The following R3HDM1 variants were observed in gnomAD, a reference collection of about 807,000 sequenced individuals.
R3HDM1 encodes the protein R3H domain containing 1, also known as R3H domain-containing protein 1.
R3HDM1 carries 46 observed loss-of-function variants against 141.1 expected under a neutral mutation model. The observed-to-expected ratio is 0.33, with a 90% CI of 0.26 to 0.42. The LOEUF (loss-of-function observed/expected upper bound fraction) is 0.42, where lower values mean the gene tolerates loss of function less well. Ranked by LOEUF, R3HDM1 falls within the 10% of genes least tolerant of loss-of-function variation. R3HDM1 has a pLI of 1.00. For missense variants in R3HDM1, 1,184 were observed against 1,368.3 expected, an observed-to-expected ratio of 0.87 and a Z score of 2.12; for synonymous variants, 435 against 472.9, an observed-to-expected ratio of 0.92 and a Z score of 1.04.
intron 19 of R3HDM1, among the ~76,000 whole-genome samples, chr2:135,663,234 C>T (rs1050856254): frequency 3.3e-5 from 5 of 151,258 alleles, no homozygotes; most frequent in Non-Finnish European, 5.9e-5. Context: ...ATGTGTTTAT[C>T]ATTGGTCATA....
At chr2:135,630,430 A>C (rs1035000036) in intron 7 of R3HDM1, among the ~76,000 whole-genome samples, 1 of 152,056 alleles carries the variant, frequency 6.6e-6, no homozygotes, top group Non-Finnish European at 1.5e-5. Flanking sequence ...ATATTGCTAT[A>C]AATTTTGTTA....
In R3HDM1 at chr2:135,577,001, T is replaced by C. The variant is rs1705590531; in HGVS notation, c.-249-25499T>C. The C allele has an allele frequency of 4.7e-6, 3 of 640,546 alleles. No individual in the cohort carries two copies. In the African/African-American group the frequency reaches 6.0e-5, roughly 13 times the overall value. 39.7% of individuals were successfully genotyped at this position (640,546 alleles called of 1,614,324 possible). ...CACTGAATGAATTTAAATGGATGAA[T>C]GTATGCTATATAAATTATATCCAAT... On this transcript the variant is annotated intron_variant, in intron 1 of 26. Transcript: ENST00000683871.
chr2:135,698,394 C>T lies in R3HDM1; in HGVS notation c.2460-11039C>T, dbSNP rs184572191. Among the ~76,000 whole-genome samples, 15 of 152,032 alleles carry T rather than the reference C, an allele frequency of 9.9e-5. No homozygotes were observed. The East Asian group carries it at 2.3e-3, about 24-fold the overall frequency. On this transcript the variant is annotated intron_variant, in intron 21 of 26. Coordinates refer to ENST00000683871, the MANE Select transcript of R3HDM1 (RefSeq NM_001378107.1). ...CAGGATGGTCTCAATCTCCTGACCT[C>T]GTGATCCGCCCTCCTCAGCCTCCCA... is the stretch of plus-strand genomic sequence containing the variant.
chr2:135,679,575 A>G (rs983926769), intron 20 of R3HDM1, among the ~76,000 whole-genome samples: 2 of 152,058 alleles, frequency 1.3e-5, no homozygotes, highest in African/African-American at 4.8e-5. Flanking sequence ...AAACTGTGTT[A>G]CTCTTTCTAT....
chr2:135,681,883 A>G (rs925193216), intron 21 of R3HDM1, among the ~76,000 whole-genome samples: 1 of 152,044 alleles, frequency 6.6e-6, no homozygotes, highest in Non-Finnish European at 1.5e-5. Flanking sequence ...TCTTGGCCAC[A>G]TGACTTGCTA....
chr2:135,531,889 C>T (rs1694828206), intron 1 of R3HDM1, among the ~76,000 whole-genome samples: 1 of 152,242 alleles, frequency 6.6e-6, no homozygotes, highest in Admixed American at 6.5e-5. Flanking sequence ...GCGGCTCCGG[C>T]TGCAGCTGCA....
rs542439699 is a variant in R3HDM1, at chr2:135,624,177, C to T, written c.497+1445C>T. 1.1e-3 allele frequency among the ~76,000 whole-genome samples: 173 copies of T among 152,174 alleles called. 2 individuals are homozygous for T. In the South Asian group the frequency reaches 0.02, roughly 18 times the overall value. The stretch of plus-strand genomic sequence containing the variant: ...TTGGGAGGCCGAGGCGGGTGGATCA[C>T]GAGGTCAGGAGATCGAGACCATCCT... On this transcript the variant is annotated intron_variant, in intron 7 of 26. Coordinates refer to ENST00000683871, the MANE Select transcript of R3HDM1 (RefSeq NM_001378107.1).
intron 21 of R3HDM1, among the ~76,000 whole-genome samples, chr2:135,688,812 T>C (rs1256504743): frequency 2.0e-5 from 3 of 152,032 alleles, no homozygotes; most frequent in Non-Finnish European, 4.4e-5. Context: ...GGCGGGCACC[T>C]GTAATCCCAG....
chr2:135,718,277 T>TA (rs1292166299), intron 24 of R3HDM1, among the ~76,000 whole-genome samples: 1 of 152,192 alleles, frequency 6.6e-6, no homozygotes, highest in Admixed American at 6.5e-5. Flanking sequence ...CACGGACTTT[T>TA]ACAGTTGTTA....
intron 24 of R3HDM1, among the ~76,000 whole-genome samples, chr2:135,720,692 C>G (rs912937135): frequency 1.3e-5 from 2 of 152,134 alleles, no homozygotes; most frequent in Admixed American, 6.5e-5. Flanking sequence ...ATTATAAATG[C>G]AAATTTCACT....
chr2:135,621,111 G>A (rs1443412983), intron 5 of R3HDM1, among the ~76,000 whole-genome samples: 3 of 151,898 alleles, frequency 2.0e-5, no homozygotes, highest in African/African-American at 4.8e-5. Context: ...TTATACATTC[G>A]TATTGTCATG....
At chr2:135,654,739 G>A (rs565492422) in intron 18 of R3HDM1, among the ~76,000 whole-genome samples, 58 of 152,104 alleles carry the variant, frequency 3.8e-4, no homozygotes, top group South Asian at 3.7e-3. Context: ...ATGAGCCACC[G>A]CACCTGGCCA....
intron 21 of R3HDM1, among the ~76,000 whole-genome samples, chr2:135,705,953 C>T (rs2074849357): frequency 6.6e-6 from 1 of 152,012 alleles, no homozygotes; most frequent in Non-Finnish European, 1.5e-5. Context: ...CATGGTGAAA[C>T]CCCGTCTCTA....
chr2:135,622,746 T>G lies in R3HDM1; in HGVS notation c.497+14T>G, dbSNP rs2061630123. On this transcript the variant is annotated intron_variant, in intron 7 of 26. Transcript: ENST00000683871. ...AAACAATCCCAGGTAAAAATTAAAT[T>G]TATAAGGTTTCCATTGCTTCTAGAG... The G allele has an allele frequency of 6.4e-7, 1 of 1,555,224 alleles. No individual in the cohort carries two copies. The highest frequency in any genetic ancestry group is 8.7e-7 in the Non-Finnish European group (1 of 1,142,910).
chr2:135,677,703 G>C (rs1386480749), intron 20 of R3HDM1, among the ~76,000 whole-genome samples: 1 of 152,036 alleles, frequency 6.6e-6, no homozygotes, highest in African/African-American at 2.4e-5. Context: ...AATATTGTAG[G>C]AAGTATTGCT....
At chr2:135,610,473 T>C (rs72988464) in intron 3 of R3HDM1, among the ~76,000 whole-genome samples, 6,540 of 152,288 alleles carry the variant, frequency 0.043, 472 homozygotes, top group African/African-American at 0.15. Context: ...GTTTTGTATA[T>C]TCTGTTTCAG....
chr2:135,688,772 C>T (rs1431530819), intron 21 of R3HDM1, among the ~76,000 whole-genome samples: 2 of 152,078 alleles, frequency 1.3e-5, no homozygotes, highest in Non-Finnish European at 2.9e-5. Flanking sequence ...ACCATCTCTA[C>T]TAAAAATACA....
chr2:135,559,070 TG>T (rs1701299900), intron 1 of R3HDM1: 2 of 945,912 alleles, frequency 2.1e-6, no homozygotes, highest in African/African-American at 3.6e-5. Context: ...TGTGTGTGTG[TG>T]TGTGTGTGTG....
intron 20 of R3HDM1, among the ~76,000 whole-genome samples, chr2:135,675,797 A>G (rs1030224909): frequency 1.3e-5 from 2 of 152,226 alleles, no homozygotes; most frequent in South Asian, 4.1e-4. Context: ...ATATAGGTAG[A>G]TGAGCAAATG....
Sources: allele counts gnomAD v4.1 joint callset (sites outside exome capture counted in the v4.1 genomes callset), GRCh38; gene constraint gnomAD v4.1.1; transcripts MANE v1.5; gene names NCBI Gene and HGNC (gene_info 2026-07-23, HGNC 2026-07-21).